The following ATP11B variants were observed in gnomAD, a reference collection of about 807,000 sequenced individuals.
ATP11B encodes ATPase phospholipid transporting 11B (putative).
ATP11B carries 81 observed loss-of-function variants against 157.8 expected under a neutral mutation model. The ratio of observed to expected loss-of-function variants is 0.51; its 90% CI spans 0.43 to 0.62. ATP11B has a LOEUF of 0.62. ATP11B is among the 20% of genes least tolerant of loss of function. The pLI, the probability that ATP11B is intolerant of heterozygous loss-of-function variation, is 0.00. For synonymous variants in ATP11B, 451 were observed against 469.4 expected, an observed-to-expected ratio of 0.96 and a Z score of 0.51; for missense variants, 1,165 against 1,402.2, an observed-to-expected ratio of 0.83 and a Z score of 2.70.
intron 8 of ATP11B, chr3:182,844,693 C>A: frequency 4.1e-6 from 1 of 243,566 alleles, no homozygotes; most frequent in South Asian, 1.5e-4. Flanking sequence ...CAGAATTCAT[C>A]CATTTATATG....
chr3:182,833,306 T>C (rs551960648), intron 4 of ATP11B, among the ~76,000 whole-genome samples: 1 of 152,248 alleles, frequency 6.6e-6, no homozygotes, highest in African/African-American at 2.4e-5. Flanking sequence ...AAAATTTGTG[T>C]TCTGTGTAAC....
At chr3:182,887,460 T>C in intron 23 of ATP11B, 126 bp from the exon 24 acceptor site, 2 of 648,656 alleles carry the variant, frequency 3.1e-6, no homozygotes. Context: ...TAATTGGAGT[T>C]ACTAAAATGG....
intron 28 of ATP11B, among the ~76,000 whole-genome samples, chr3:182,900,983 C>T (rs891685971): frequency 6.6e-6 from 1 of 151,904 alleles, no homozygotes; most frequent in Non-Finnish European, 1.5e-5. Flanking sequence ...AGATCGAGAC[C>T]ATCCTGGCCA....
At chr3:182,879,004 G>A (rs568297125) in intron 19 of ATP11B, among the ~76,000 whole-genome samples, 7 of 152,208 alleles carry the variant, frequency 4.6e-5, no homozygotes, top group South Asian at 2.1e-4. Flanking sequence ...TGGGCACAGC[G>A]GCTCACACCT....
intron 25 of ATP11B, among the ~76,000 whole-genome samples, chr3:182,896,081 G>A (rs1475701187): frequency 6.6e-6 from 1 of 152,180 alleles, no homozygotes; most frequent in African/African-American, 2.4e-5. Flanking sequence ...TTCTTGTAGA[G>A]ATAAAATCCT....
intron 1 of ATP11B, among the ~76,000 whole-genome samples, chr3:182,802,928 A>G (rs1716100401): frequency 6.6e-6 from 1 of 152,152 alleles, no homozygotes; most frequent in Non-Finnish European, 1.5e-5. Flanking sequence ...GTTTTCTGTG[A>G]TAGCATATTT....
Position 182,915,809 on chromosome 3 carries a change from A to C in ATP11B, c.3452+1815A>C, listed in dbSNP as rs554688909. ...TACTTTTACATGTTCTCTTGAAGGT[A>C]GCTATTATCATCTATACTTCTTTTC... is the stretch of plus-strand genomic sequence containing the variant. On this transcript the variant is annotated intron_variant, in intron 29 of 29. Coordinates refer to ENST00000323116, the MANE Select transcript of ATP11B (RefSeq NM_014616.3). 93 of 980,838 alleles carry C rather than the reference A, an allele frequency of 9.5e-5. No homozygotes were observed. In the African/African-American group the frequency reaches 1.6e-3, roughly 17 times the overall value. 60.8% of individuals were successfully genotyped at this position (980,838 alleles called of 1,614,324 possible).
chr3:182,916,585 C>A, intron 29 of ATP11B: 1 of 984,904 alleles, frequency 1.0e-6, no homozygotes, highest in Non-Finnish European at 1.2e-6. Context: ...ATTTTCTGTT[C>A]GTGTATTACT....
At position 182,845,494 on chromosome 3, in the gene ATP11B, C is replaced by T. The variant is rs775454339; in HGVS notation, c.741C>T (p.Ala247=). 6.3e-7 allele frequency: 1 copy of T among 1,596,030 alleles called. No individual in the cohort carries two copies. The highest frequency in any genetic ancestry group is 2.3e-5 in the East Asian group (1 of 44,192). ...CGGAGAGTCTCCTGCTTCGTGGAGC[C>T]AGATTAAAAAACACAAAAGAAATTT... ...LGPESLLLRG[A]RLKNTKEIFG... Residue 247 remains alanine, a synonymous_variant, in exon 9 of 30, where the codon GCC becomes GCT. Transcript: ENST00000323116.
At chr3:182,892,122 C>G (rs966718205) in intron 25 of ATP11B, among the ~76,000 whole-genome samples, 1 of 152,168 alleles carries the variant, frequency 6.6e-6, no homozygotes, top group Non-Finnish European at 1.5e-5. Flanking sequence ...TGCTGGCTCT[C>G]AGAATGTGCC....
At chr3:182,862,171 C>G (rs907268146) in intron 12 of ATP11B, among the ~76,000 whole-genome samples, 1 of 151,664 alleles carries the variant, frequency 6.6e-6, no homozygotes, top group Non-Finnish European at 1.5e-5. Flanking sequence ...TCCCAGCTAC[C>G]TGGGAGGCTA....
chr3:182,825,877 G>A (rs1252283169), intron 2 of ATP11B, among the ~76,000 whole-genome samples: 3 of 152,116 alleles, frequency 2.0e-5, no homozygotes, highest in Non-Finnish European at 4.4e-5. Context: ...TCCAGCCTGG[G>A]CAGACAGAGT....
At chr3:182,826,964 G>A (rs1717766308) in intron 2 of ATP11B, among the ~76,000 whole-genome samples, 1 of 152,138 alleles carries the variant, frequency 6.6e-6, no homozygotes, top group South Asian at 2.1e-4. Flanking sequence ...AGGCCTCATT[G>A]CCTGAGATCA....
At chr3:182,870,701 C>A (rs893099419) in intron 17 of ATP11B, among the ~76,000 whole-genome samples, 1 of 152,024 alleles carries the variant, frequency 6.6e-6, no homozygotes, top group Non-Finnish European at 1.5e-5. Context: ...GGGCTGGGCG[C>A]GGTGGCTCAC....
intron 28 of ATP11B, among the ~76,000 whole-genome samples, chr3:182,911,280 C>CCCT (rs59801597): frequency 7.9e-6 from 1 of 126,128 alleles, no homozygotes; most frequent in Non-Finnish European, 1.6e-5. Flanking sequence ...TGCCCCCCCC[C>CCCT]GCTAAGTCCT....
intron 11 of ATP11B, 114 bp from the exon 12 acceptor site, chr3:182,859,048 A>C (rs1269064196): frequency 1.6e-6 from 1 of 625,334 alleles, no homozygotes; most frequent in Non-Finnish European, 2.7e-6. Context: ...ATTCTACCTC[A>C]GAATATAGTT....
intron 4 of ATP11B, 56 bp downstream of exon 4, chr3:182,829,808 T>C (rs1717992657): frequency 6.9e-7 from 1 of 1,454,720 alleles, no homozygotes; most frequent in Admixed American, 2.3e-5. Flanking sequence ...AGTTGCTAAA[T>C]ATTTCCACTC....
At chr3:182,873,433 G>A (rs1331904289) in intron 18 of ATP11B, among the ~76,000 whole-genome samples, 2 of 152,186 alleles carry the variant, frequency 1.3e-5, no homozygotes, top group African/African-American at 2.4e-5. Flanking sequence ...AACTATATGA[G>A]TGGTTTGAGA....
intron 28 of ATP11B, among the ~76,000 whole-genome samples, chr3:182,910,102 G>C (rs1724674938): frequency 7.0e-6 from 1 of 143,748 alleles, no homozygotes; most frequent in African/African-American, 2.6e-5. Flanking sequence ...AAAAGCAGCT[G>C]AGTTCTTTTT....
Sources: allele counts gnomAD v4.1 joint callset (sites outside exome capture counted in the v4.1 genomes callset), GRCh38; gene constraint gnomAD v4.1.1; transcripts MANE v1.5; gene names NCBI Gene and HGNC (gene_info 2026-07-23, HGNC 2026-07-21).